XPNPEP3: variants seen among roughly 807,000 people sequenced by gnomAD.
XPNPEP3 encodes X-prolyl aminopeptidase 3.
A neutral mutation model predicts 60.0 loss-of-function variants in XPNPEP3; 41 were observed. That is an observed-to-expected ratio of 0.68 (90% CI 0.53 to 0.89). The LOEUF (loss-of-function observed/expected upper bound fraction) is 0.89, where lower values mean the gene tolerates loss of function less well. XPNPEP3 is among the 40% of genes least tolerant of loss of function. The pLI, the probability that XPNPEP3 is intolerant of heterozygous loss-of-function variation, is 0.00. For synonymous variants in XPNPEP3, 212 were observed against 223.2 expected, an observed-to-expected ratio of 0.95 and a Z score of 0.45; for missense variants, 598 against 638.9, an observed-to-expected ratio of 0.94 and a Z score of 0.69.
chr22:40,917,372 C>T (rs1029892547), intron 7 of XPNPEP3: 1 of 151,884 alleles, frequency 6.6e-6, no homozygotes, highest in Admixed American at 6.6e-5. Context: ...CAGAGCAAGA[C>T]CCCATCTGTA....
At chr22:40,918,780 T>TG (rs199501123) in intron 7 of XPNPEP3, among the ~76,000 whole-genome samples, 7 of 121,260 alleles carry the variant, frequency 5.8e-5, no homozygotes, top group Admixed American at 4.5e-4. Flanking sequence ...CAAGTTTTGG[T>TG]GGGTTTTTTT....
rs1469175319 is a variant in XPNPEP3 at position 40,899,367 on chromosome 22, G to A, written c.793-8220G>A. On this transcript the variant is annotated intron_variant, in intron 4 of 9. Coordinates refer to ENST00000357137, the MANE Select transcript of XPNPEP3 (RefSeq NM_022098.4). ...TTGAATATTTAGCAGACCTACCAGC[G>A]ATTCAGAATTCCCTCCCAATCCATT... 5.9e-5 allele frequency among the ~76,000 whole-genome samples: 9 copies of A among 152,264 alleles called. No individual in the cohort carries two copies. The South Asian group carries it at 1.5e-3, about 25-fold the overall frequency.
intron 7 of XPNPEP3, among the ~76,000 whole-genome samples, chr22:40,918,622 C>T (rs972229913): frequency 5.3e-5 from 8 of 149,678 alleles, no homozygotes; most frequent in African/African-American, 1.5e-4. Context: ...AGGTGGAGGT[C>T]GCAGTGAGCC....
chr22:40,895,137 A>G (rs542114234), intron 4 of XPNPEP3, among the ~76,000 whole-genome samples: 4 of 152,254 alleles, frequency 2.6e-5, no homozygotes, highest in African/African-American at 9.6e-5. Flanking sequence ...ATTGCCTGGC[A>G]TCCATGGGCA....
chr22:40,865,620 G>A (rs975463844), intron 1 of XPNPEP3, among the ~76,000 whole-genome samples: 1 of 147,968 alleles, frequency 6.8e-6, no homozygotes, highest in Admixed American at 6.9e-5. Flanking sequence ...GAGCCACTGC[G>A]CCTGGCATAG....
At chr22:40,871,030 A>G (rs1243014775) in intron 2 of XPNPEP3, among the ~76,000 whole-genome samples, 1 of 151,416 alleles carries the variant, frequency 6.6e-6, no homozygotes, top group Non-Finnish European at 1.5e-5. Flanking sequence ...CTCTGTCTCA[A>G]AAAAAAAGGA....
intron 4 of XPNPEP3, 129 bp from the exon 5 acceptor site, chr22:40,907,458 T>G: frequency 4.6e-6 from 4 of 875,282 alleles, no homozygotes; most frequent in Non-Finnish European, 5.7e-6. Context: ...TTACCCCCAG[T>G]AGGTCACAAC....
At chr22:40,905,759 C>T (rs1033693709) in intron 4 of XPNPEP3, among the ~76,000 whole-genome samples, 5 of 152,084 alleles carry the variant, frequency 3.3e-5, no homozygotes, top group Non-Finnish European at 5.9e-5. Context: ...GGCATTTTGG[C>T]AATGCCGTTC....
chr22:40,908,312 G>A (rs2058164104), intron 5 of XPNPEP3, among the ~76,000 whole-genome samples: 1 of 151,920 alleles, frequency 6.6e-6, no homozygotes, highest in African/African-American at 2.4e-5. Flanking sequence ...GTGAGCCCAG[G>A]AGTTTGAGAC....
chr22:40,902,502 G>A (rs1229635440), intron 4 of XPNPEP3, among the ~76,000 whole-genome samples: 8 of 151,920 alleles, frequency 5.3e-5, no homozygotes, highest in East Asian at 1.9e-4. Context: ...CGCCCACCTC[G>A]GCCTCCCAAA....
rs1182661271 is a variant in XPNPEP3 at position 40,928,533 on chromosome 22, A to G, written c.*2098A>G. On this transcript the variant is annotated 3_prime_UTR_variant, in exon 10 of 10. Coordinates refer to ENST00000357137, the MANE Select transcript of XPNPEP3 (RefSeq NM_022098.4). ...AAGAGTCATATTTTTTTAAACACAAACATTGGATACAATTATACAGCAACT... is the reference window on the plus strand; with the variant it reads ...AAGAGTCATATTTTTTTAAACACAAGCATTGGATACAATTATACAGCAACT... 1 of 152,054 alleles carries G rather than the reference A, an allele frequency of 6.6e-6. No individual in the cohort carries two copies. Among genetic ancestry groups the G allele is most frequent in the East Asian group, 1.9e-4 (1 of 5,188 alleles). The allele number at this position is 152,054 out of a possible 1,614,324, so 9.4% of individuals were successfully genotyped here.
intron 2 of XPNPEP3, among the ~76,000 whole-genome samples, chr22:40,878,278 TTTAC>T (rs1400545455): frequency 6.6e-6 from 1 of 152,118 alleles, no homozygotes; most frequent in Non-Finnish European, 1.5e-5. Context: ...TTTAGAAGCA[TTTAC>T]TTAATGATCA....
At chr22:40,885,798 A>G (rs1054230471) in intron 3 of XPNPEP3, among the ~76,000 whole-genome samples, 1 of 152,132 alleles carries the variant, frequency 6.6e-6, no homozygotes, top group Non-Finnish European at 1.5e-5. Context: ...CCTGACCAAT[A>G]TGGTGAAACC....
At chr22:40,857,338 C>T in intron 1 of XPNPEP3, 93 bp downstream of exon 1, 1 of 1,382,186 alleles carries the variant, frequency 7.2e-7, no homozygotes, top group Non-Finnish European at 1.0e-6. Context: ...GACCCTTCTC[C>T]TGGTGGGGCC....
Position 40,906,907 on chromosome 22 carries a change from T to A in XPNPEP3, c.793-680T>A, listed in dbSNP as rs5995962. ...TTCCTGATAGGGGGCACCCTCTAGG[T>A]ATCCTCATATGGCAGAAGAGACAGA... is the stretch of plus-strand genomic sequence containing the variant. On this transcript the variant is annotated intron_variant, in intron 4 of 9. Transcript: ENST00000357137. Among the ~76,000 whole-genome samples the A allele has an allele frequency of 2.3e-3, 355 of 152,220 alleles. 7 individuals carry two copies. The highest frequency in any genetic ancestry group is 8.0e-3 in the African/African-American group (333 of 41,556).
At chr22:40,883,623 A>T (rs1429756057) in intron 3 of XPNPEP3, among the ~76,000 whole-genome samples, 3 of 152,104 alleles carry the variant, frequency 2.0e-5, no homozygotes, top group Non-Finnish European at 4.4e-5. Flanking sequence ...CAGCCTCCTG[A>T]AGTGCTGGGA....
At chr22:40,883,422 C>T (rs1330846726) in intron 3 of XPNPEP3, among the ~76,000 whole-genome samples, 1 of 152,010 alleles carries the variant, frequency 6.6e-6, no homozygotes, top group African/African-American at 2.4e-5. Context: ...TATAGTGGCA[C>T]ACTCATGGCT....
chr22:40,884,743 T>C (rs2058061777), intron 3 of XPNPEP3, among the ~76,000 whole-genome samples: 1 of 150,308 alleles, frequency 6.7e-6, no homozygotes, highest in Admixed American at 6.7e-5. Flanking sequence ...TTACAACAAT[T>C]GGCCGGGTGC....
At chr22:40,894,692 A>G (rs1338023010) in intron 4 of XPNPEP3, among the ~76,000 whole-genome samples, 1 of 152,150 alleles carries the variant, frequency 6.6e-6, no homozygotes, top group African/African-American at 2.4e-5. Context: ...CACCCATTTC[A>G]TAGACTTGGT....
Sources: gnomAD v4.1 joint callset for allele counts (sites outside exome capture counted in the v4.1 genomes callset) on GRCh38, gnomAD v4.1.1 for gene constraint, MANE v1.5 for transcripts, NCBI Gene and HGNC (gene_info 2026-07-23, HGNC 2026-07-21) for gene names.